LIMS1: variants seen among roughly 807,000 people sequenced by gnomAD.
The protein encoded by LIMS1 is LIM and senescent cell antigen-like-containing domain protein 1.
LIMS1 carries 18 observed loss-of-function variants against 44.1 expected under a neutral mutation model. That is an observed-to-expected ratio of 0.41 (90% CI 0.28 to 0.61). The LOEUF (loss-of-function observed/expected upper bound fraction) is 0.61, where lower values mean the gene tolerates loss of function less well. LIMS1 is among the 20% of genes least tolerant of loss of function. The pLI, the probability that LIMS1 is intolerant of heterozygous loss-of-function variation, is 0.32. For missense variants in LIMS1, 201 were observed against 422.0 expected (o/e 0.48, Z 4.59); for synonymous variants, 93 against 149.1 (o/e 0.62, Z 2.74).
At chr2:108,566,287 T>C (rs1685286001) in intron 1 of LIMS1, among the ~76,000 whole-genome samples, 1 of 152,218 alleles carries the variant, frequency 6.6e-6, no homozygotes, top group Non-Finnish European at 1.5e-5. Context: ...CTTTAATTCA[T>C]GTAAGCTGCT....
At chr2:108,655,955 C>T (rs1488596964) in intron 1 of LIMS1, among the ~76,000 whole-genome samples, 3 of 37,570 alleles carry the variant, frequency 8.0e-5, no homozygotes, top group African/African-American at 2.3e-4. Context: ...AGAATTACTG[C>T]GTATCCCAAA....
chr2:108,596,915 GTTTTTTTTTTT>G (rs34313967), intron 1 of LIMS1, among the ~76,000 whole-genome samples: 1 of 68,444 alleles, frequency 1.5e-5, no homozygotes, highest in Admixed American at 2.1e-4. Flanking sequence ...CGAAACATCT[GTTTTTTTTTTT>G]TTTTTTTTTT....
At chr2:108,682,431 C>T (rs755585179) in intron 9 of LIMS1, among the ~76,000 whole-genome samples, 3 of 151,982 alleles carry the variant, frequency 2.0e-5, no homozygotes, top group African/African-American at 4.8e-5. Context: ...ACCTGAGAGG[C>T]GGAGGTTGCA....
At chr2:108,679,774 G>A (rs1364796361) in intron 8 of LIMS1, among the ~76,000 whole-genome samples, 2 of 143,894 alleles carry the variant, frequency 1.4e-5, no homozygotes, top group African/African-American at 5.0e-5. Flanking sequence ...AATTAGCCAG[G>A]TGTGGTAGCA....
intron 1 of LIMS1, among the ~76,000 whole-genome samples, chr2:108,641,319 C>T (rs759507810): frequency 2.6e-5 from 4 of 152,098 alleles, no homozygotes; most frequent in Non-Finnish European, 4.4e-5. Flanking sequence ...TCTGCAACAC[C>T]GAAGAGAGTC....
intron 1 of LIMS1, among the ~76,000 whole-genome samples, chr2:108,541,018 T>C (rs966118322): frequency 2.6e-5 from 4 of 152,222 alleles, no homozygotes; most frequent in African/African-American, 4.8e-5. Context: ...GAATTATGGA[T>C]ATTGGCCCAG....
At chr2:108,664,095 T>C (rs1320947376) in intron 2 of LIMS1, among the ~76,000 whole-genome samples, 1 of 152,048 alleles carries the variant, frequency 6.6e-6, no homozygotes, top group African/African-American at 2.4e-5. Flanking sequence ...TAGCAAGATG[T>C]TTTACAAAGA....
intron 1 of LIMS1, among the ~76,000 whole-genome samples, chr2:108,549,275 GTTTCTTTTTT>G (rs1684597730): frequency 2.3e-5 from 2 of 86,494 alleles, no homozygotes; most frequent in Admixed American, 1.5e-4. Flanking sequence ...CAAGTAAAGT[GTTTCTTTTTT>G]TTTTTTTTTT....
At chr2:108,607,130 C>A in intron 1 of LIMS1, 1 of 1,260,232 alleles carries the variant, frequency 7.9e-7, no homozygotes, top group Non-Finnish European at 1.1e-6. Flanking sequence ...AAAATAGGCC[C>A]AAGGGAGCCT....
At chr2:108,621,949 A>T (rs796983118) in intron 1 of LIMS1, among the ~76,000 whole-genome samples, 14 of 152,290 alleles carry the variant, frequency 9.2e-5, no homozygotes, top group African/African-American at 3.4e-4. Context: ...GGAAGGAAGG[A>T]CATCAAAAAC....
At chr2:108,630,587 C>T (rs1382087671) in intron 1 of LIMS1, among the ~76,000 whole-genome samples, 1 of 152,176 alleles carries the variant, frequency 6.6e-6, no homozygotes, top group Middle Eastern at 3.2e-3. Flanking sequence ...ACAGTTTTAA[C>T]GTTTCCCTTA....
intron 1 of LIMS1, among the ~76,000 whole-genome samples, chr2:108,552,158 A>G (rs1684767040): frequency 6.9e-6 from 1 of 145,656 alleles, no homozygotes; most frequent in African/African-American, 2.5e-5. Flanking sequence ...TTATAGTTAA[A>G]TATATAAATA....
rs199995528 is a variant in LIMS1 at position 108,638,308 on chromosome 2, T to C, written c.33-21297T>C. 5.3e-5 allele frequency among the ~76,000 whole-genome samples: 8 copies of C among 152,272 alleles called. No individual in the cohort carries two copies. The East Asian group carries it at 1.5e-3, about 29-fold the overall frequency. On this transcript the variant is annotated intron_variant, in intron 1 of 9. Transcript: ENST00000544547. ...AAAGGCAACGAGCTAGACTGAGCTG[T>C]CTGGGTGTCTGGGTAGGGACGCAGC...
At chr2:108,607,247 C>T (rs1687320635) in intron 1 of LIMS1, 8 of 1,550,986 alleles carry the variant, frequency 5.2e-6, no homozygotes, top group Non-Finnish European at 7.0e-6. Flanking sequence ...AATCAAGATA[C>T]ATGACATGGT....
At chr2:108,674,518 C>T (rs1175724968) in intron 5 of LIMS1, among the ~76,000 whole-genome samples, 62 of 151,422 alleles carry the variant, frequency 4.1e-4, no homozygotes, top group Admixed American at 4.0e-3. Flanking sequence ...GTCAGGAGAT[C>T]GAGACCATCC....
At chr2:108,680,876 T>C (rs1692945965) in intron 9 of LIMS1, 106 bp downstream of exon 9, 2 of 1,469,758 alleles carry the variant, frequency 1.4e-6, no homozygotes, top group South Asian at 2.8e-5. Flanking sequence ...TGATTTCTTA[T>C]TTCCTCTTTC....
At chr2:108,622,917 G>A (rs114204644) in intron 1 of LIMS1, among the ~76,000 whole-genome samples, 3,810 of 149,828 alleles carry the variant, frequency 0.025, 102 homozygotes, top group African/African-American at 0.065. Flanking sequence ...GTAAAATAAC[G>A]TATATGCCAA....
chr2:108,650,842 G>T lies in LIMS1; in HGVS notation c.33-8763G>T, dbSNP rs565774258. 1.9e-4 allele frequency among the ~76,000 whole-genome samples: 27 copies of T among 145,812 alleles called. No individual in the cohort carries two copies. The South Asian group carries it at 5.3e-3, about 29-fold the overall frequency. On this transcript the variant is annotated intron_variant, in intron 1 of 9. Transcript: ENST00000544547. ...GTACTGTATAGTCATAGAAGCAGAG[G>T]CTATGACTTTTATTTATTTATTCAT...
chr2:108,613,432 G>A (rs1309737357), intron 1 of LIMS1, among the ~76,000 whole-genome samples: 1 of 152,140 alleles, frequency 6.6e-6, no homozygotes, highest in African/African-American at 2.4e-5. Flanking sequence ...GGGGAGAAAC[G>A]TTAGCAGTGT....
Sources: gnomAD v4.1 joint callset for allele counts (sites outside exome capture counted in the v4.1 genomes callset) on GRCh38, gnomAD v4.1.1 for gene constraint, MANE v1.5 for transcripts, NCBI Gene and HGNC (gene_info 2026-07-23, HGNC 2026-07-21) for gene names.